KAZN: variants seen among roughly 807,000 people sequenced by gnomAD.
KAZN encodes kazrin.
In KAZN, 40 loss-of-function variants were observed where a neutral mutation model predicts 87.4. The ratio of observed to expected loss-of-function variants is 0.46; its 90% CI spans 0.36 to 0.60. The LOEUF (loss-of-function observed/expected upper bound fraction) is 0.60. KAZN is among the 20% of genes least tolerant of loss of function. The pLI is 0.00. For missense variants in KAZN, 898 were observed against 1,073.9 expected (o/e 0.84, Z 2.29); for synonymous variants, 466 against 458.3 (o/e 1.02, Z -0.22).
At chr1:14,770,159 G>A (rs1016688136) in intron 1 of KAZN, among the ~76,000 whole-genome samples, 1 of 150,968 alleles carries the variant, frequency 6.6e-6, no homozygotes, top group African/African-American at 2.5e-5. Context: ...CATGGTGAAA[G>A]TTTGGACTTC....
chr1:14,405,421 T>C (rs924433545), intron 2 of KAZN, among the ~76,000 whole-genome samples: 3 of 152,162 alleles, frequency 2.0e-5, no homozygotes, highest in African/African-American at 7.2e-5. Context: ...AGATCCACTT[T>C]GAGTCTTGGC....
intron 4 of KAZN, among the ~76,000 whole-genome samples, chr1:15,052,955 C>T (rs1440089440): frequency 1.3e-5 from 2 of 152,340 alleles, no homozygotes; most frequent in Non-Finnish European, 2.9e-5. Flanking sequence ...CCCACCCAGG[C>T]CTCTTCCTCA....
intron 1 of KAZN, among the ~76,000 whole-genome samples, chr1:13,914,995 C>T (rs929274081): frequency 1.3e-5 from 2 of 152,308 alleles, no homozygotes; most frequent in African/African-American, 4.8e-5. Flanking sequence ...CCATGACCCT[C>T]GGAATGGAGA....
At chr1:14,388,161 C>T (rs1414974256) in intron 2 of KAZN, among the ~76,000 whole-genome samples, 1 of 152,204 alleles carries the variant, frequency 6.6e-6, no homozygotes, top group Non-Finnish European at 1.5e-5. Context: ...CAATGCCTCG[C>T]CCTGCTTCGG....
chr1:14,052,123 A>G (rs1193380797), intron 1 of KAZN, among the ~76,000 whole-genome samples: 4 of 152,080 alleles, frequency 2.6e-5, no homozygotes, highest in African/African-American at 7.2e-5. Context: ...GCTCTTCCTG[A>G]CACCATCACT....
intron 1 of KAZN, among the ~76,000 whole-genome samples, chr1:14,936,515 C>T (rs2101612290): frequency 6.6e-6 from 1 of 152,250 alleles, no homozygotes; most frequent in East Asian, 1.9e-4. Flanking sequence ...CCCTGCTCCA[C>T]TGTGCCAGCC....
chr1:14,875,953 A>G (rs1158098453), intron 1 of KAZN, among the ~76,000 whole-genome samples: 2 of 152,192 alleles, frequency 1.3e-5, no homozygotes, highest in African/African-American at 4.8e-5. Flanking sequence ...TGCCCTGCAA[A>G]CTTTCACAGT....
At chr1:14,388,879 T>A (rs374035355) in intron 2 of KAZN, among the ~76,000 whole-genome samples, 2 of 152,020 alleles carry the variant, frequency 1.3e-5, no homozygotes, top group African/African-American at 4.8e-5. Context: ...GGCTTCTGCA[T>A]AGCAAAGGAA....
At chr1:15,001,461 G>C (rs925094761) in intron 2 of KAZN, among the ~76,000 whole-genome samples, 1 of 145,752 alleles carries the variant, frequency 6.9e-6, no homozygotes, top group Non-Finnish European at 1.5e-5. Context: ...GCGAAAATCT[G>C]TCTCAAAAAA....
intron 1 of KAZN, among the ~76,000 whole-genome samples, chr1:14,758,925 G>A (rs1007018857): frequency 6.6e-6 from 1 of 151,402 alleles, no homozygotes; most frequent in African/African-American, 2.4e-5. Context: ...AAAAATGAAA[G>A]AGAAAGCATG....
At chr1:14,841,736 T>C (rs978035088) in intron 1 of KAZN, among the ~76,000 whole-genome samples, 14 of 152,214 alleles carry the variant, frequency 9.2e-5, no homozygotes, top group Admixed American at 2.6e-4. Context: ...TTTCTTCTCT[T>C]TTTTTCCTTG....
intron 2 of KAZN, among the ~76,000 whole-genome samples, chr1:14,473,649 A>C (rs977128979): frequency 1.9e-4 from 28 of 146,414 alleles, no homozygotes; most frequent in Non-Finnish European, 4.0e-4. Context: ...AAAAAAAAAA[A>C]AAAACACAAA....
intron 2 of KAZN, among the ~76,000 whole-genome samples, chr1:14,248,731 CA>C (rs1453893053): frequency 1.3e-5 from 2 of 152,226 alleles, no homozygotes; most frequent in Non-Finnish European, 2.9e-5. Context: ...AATTCTTTGA[CA>C]CTCTTCCCAT....
At chr1:14,821,767 T>G (rs1239641226) in intron 1 of KAZN, among the ~76,000 whole-genome samples, 1 of 152,104 alleles carries the variant, frequency 6.6e-6, no homozygotes, top group Non-Finnish European at 1.5e-5. Flanking sequence ...TTTCTATTGT[T>G]TAAGCCCCCC....
chr1:15,098,644 G>C (rs1640901966), intron 10 of KAZN, among the ~76,000 whole-genome samples: 1 of 152,254 alleles, frequency 6.6e-6, no homozygotes. Context: ...CTGCCCGAGA[G>C]AACCGTCCTG....
chr1:14,862,581 G>T (rs1169440080), intron 1 of KAZN, among the ~76,000 whole-genome samples: 1 of 152,162 alleles, frequency 6.6e-6, no homozygotes, highest in African/African-American at 2.4e-5. Flanking sequence ...AAAATCAGCA[G>T]GGAGTGAAGA....
intron 1 of KAZN, among the ~76,000 whole-genome samples, chr1:14,698,171 T>G (rs756681604): frequency 4.6e-5 from 7 of 152,146 alleles, no homozygotes; most frequent in Non-Finnish European, 8.8e-5. Context: ...ATTAGTGACT[T>G]TTTTGGTCCA....
rs70984301 is a variant in KAZN, at chr1:13,936,096, G to GTTTTTTTTTTTTTTTTTTTTTT, written c.91+42355_91+42356insTTTTTTTTTTTTTTTTTTTTTT. On this transcript the variant is annotated intron_variant, in intron 1 of 16. Coordinates refer to the KAZN transcript ENST00000636203. ...TATAGATTTAGGTGGTACAAGTGCA[G>GTTTTTTTTTTTTTTTTTTTTTT]TTTTTTTTTTTTTTTGAGACAGAGT... 1.5e-4 allele frequency among the ~76,000 whole-genome samples: 13 copies of GTTTTTTTTTTTTTTTTTTTTTT among 84,838 alleles called. 3 individuals carry two copies. The highest frequency in any genetic ancestry group is 4.2e-4 in the East Asian group (1 of 2,364). 55.7% of individuals were successfully genotyped at this position (84,838 alleles called of 152,430 possible).
chr1:14,813,476 T>G (rs1646472516), intron 1 of KAZN, among the ~76,000 whole-genome samples: 1 of 152,186 alleles, frequency 6.6e-6, no homozygotes, highest in South Asian at 2.1e-4. Flanking sequence ...CCAGCATCAA[T>G]TTGCCAGCCA....
Sources: gnomAD v4.1 joint callset for allele counts (sites outside exome capture counted in the v4.1 genomes callset) on GRCh38, gnomAD v4.1.1 for gene constraint, MANE v1.5 for transcripts, NCBI Gene and HGNC (gene_info 2026-07-23, HGNC 2026-07-21) for gene names.